The following OSBPL9 variants were observed in gnomAD, a reference collection of about 807,000 sequenced individuals.
The protein encoded by OSBPL9 is oxysterol-binding protein-related protein 9.
OSBPL9 carries 40 observed loss-of-function variants against 106.6 expected under a neutral mutation model. The observed-to-expected ratio is 0.38, with a 90% confidence interval of 0.29 to 0.49. OSBPL9 has a LOEUF of 0.49. OSBPL9 is among the 20% of genes least tolerant of loss of function. OSBPL9 has a pLI of 0.97. For missense variants in OSBPL9, 609 were observed against 887.2 expected, an observed-to-expected ratio of 0.69 and a Z score of 3.98; for synonymous variants, 269 against 295.4, an observed-to-expected ratio of 0.91 and a Z score of 0.92.
At chr1:51,669,576 G>A in intron 3 of OSBPL9, 64 bp downstream of exon 3, 1 of 1,510,354 alleles carries the variant, frequency 6.6e-7, no homozygotes, top group Non-Finnish European at 9.1e-7. Context: ...TCTCTTTTGG[G>A]TTGTTTGCTG....
the OSBPL9 span, among the ~76,000 whole-genome samples, chr1:51,542,102 G>T: frequency 2.6e-5 from 4 of 152,146 alleles, no homozygotes; most frequent in Non-Finnish European, 5.9e-5. Context: ...TGCCCAGGCT[G>T]GTCTCAAACT....
At chr1:51,717,235 G>A (rs1052295072) in intron 4 of OSBPL9, among the ~76,000 whole-genome samples, 5 of 152,154 alleles carry the variant, frequency 3.3e-5, no homozygotes, top group African/African-American at 1.2e-4. Context: ...TGAGAGTGCT[G>A]AGATTATAGG....
chr1:51,697,989 T>C (rs1178454976), intron 3 of OSBPL9, among the ~76,000 whole-genome samples: 7 of 152,042 alleles, frequency 4.6e-5, no homozygotes, highest in African/African-American at 2.4e-5. Flanking sequence ...CATATTGGTA[T>C]TTTCATGTAT....
At chr1:51,683,001 C>T (rs1251189748) in intron 3 of OSBPL9, among the ~76,000 whole-genome samples, 1 of 151,410 alleles carries the variant, frequency 6.6e-6, no homozygotes, top group Non-Finnish European at 1.5e-5. Context: ...CTTAGCCTCC[C>T]GAGTAGCTAG....
intron 4 of OSBPL9, among the ~76,000 whole-genome samples, chr1:51,732,565 T>A (rs1440880980): frequency 6.6e-6 from 1 of 152,198 alleles, no homozygotes; most frequent in African/African-American, 2.4e-5. Flanking sequence ...CTTTCCATCT[T>A]CCTTATTTTC....
At position 51,789,173 on chromosome 1, in the gene OSBPL9, T is replaced by C. The variant is rs1248355233; in HGVS notation, c.*1384T>C. On this transcript the variant is annotated 3_prime_UTR_variant, in exon 24 of 24. Coordinates refer to ENST00000428468, the MANE Select transcript of OSBPL9 (RefSeq NM_024586.6). ...TAAGGCAGTAGTATAACTAACTCCA[T>C]AAAATACAAACAAACACATTTTAAA... 1 of 1,497,716 alleles carries C rather than the reference T, an allele frequency of 6.7e-7. No individual in the cohort carries two copies. The highest frequency in any genetic ancestry group is 9.3e-7 in the Non-Finnish European group (1 of 1,075,718). 92.8% of individuals were successfully genotyped at this position (1,497,716 alleles called of 1,614,324 possible).
intron 4 of OSBPL9, chr1:51,740,077 G>T: frequency 6.5e-7 from 1 of 1,538,124 alleles, no homozygotes; most frequent in South Asian, 1.2e-5. Flanking sequence ...TCCTTTACTT[G>T]ATTATTGATG....
chr1:51,633,340 C>T (rs577329004), intron 1 of OSBPL9, among the ~76,000 whole-genome samples: 17 of 151,136 alleles, frequency 1.1e-4, no homozygotes, highest in Non-Finnish European at 2.1e-4. Context: ...GAGGCCAAGA[C>T]GGGAGGATTG....
At position 51,781,178 on chromosome 1, in the gene OSBPL9, A is replaced by C; in HGVS notation, c.1271A>C (p.Lys424Thr). 3 of 1,614,058 alleles carry C rather than the reference A, an allele frequency of 1.9e-6. No homozygotes were observed. Among genetic ancestry groups the C allele is most frequent in the Non-Finnish European group, 2.5e-6 (3 of 1,179,986 alleles). The change falls in exon 16 of 24, where the codon AAG becomes ACG. Residue 424 changes from lysine (K) to threonine (T), a missense_variant. By Grantham distance (78) the Lys-to-Thr change is moderately conservative (BLOSUM62 -1). Coordinates refer to ENST00000428468, the MANE Select transcript of OSBPL9 (RefSeq NM_024586.6). The stretch of plus-strand genomic sequence containing the variant: ...CTCCCTTGCAGCATTAGTGACCAGA[A>C]GGATCCCAAGGATCGAATGGTTCAG... ...PDLFVSISDQ[K>T]DPKDRMVQVV...
intron 1 of OSBPL9, among the ~76,000 whole-genome samples, chr1:51,635,557 T>A (rs963609022): frequency 1.3e-5 from 2 of 152,270 alleles, no homozygotes; most frequent in South Asian, 4.1e-4. Flanking sequence ...TTGATTTCCT[T>A]CAAGGTGCAG....
rs1025005822 is a variant in OSBPL9 at position 51,728,325 on chromosome 1, G to C, written c.318+14246G>C. 8.5e-5 allele frequency among the ~76,000 whole-genome samples: 13 copies of C among 152,220 alleles called. 1 individual carries two copies. Among genetic ancestry groups the C allele is most frequent in the African/African-American group, 2.7e-4 (11 of 41,454 alleles). On this transcript the variant is annotated intron_variant, in intron 4 of 23. Coordinates refer to ENST00000428468, the MANE Select transcript of OSBPL9 (RefSeq NM_024586.6). ...AGAATGAATTGGAGTAGCCAGAGTA[G>C]ATTCAAGAAGACTTTAGTAAGATTA... is the stretch of plus-strand genomic sequence containing the variant.
In OSBPL9 at chr1:51,624,144, T is replaced by TG. The variant is rs1227871819; in HGVS notation, c.111+6924dup. Among the ~76,000 whole-genome samples, 5 of 152,128 alleles carry TG rather than the reference T, an allele frequency of 3.3e-5. No individual in the cohort carries two copies. In the South Asian group the frequency reaches 1.0e-3, roughly 32 times the overall value. On this transcript the variant is annotated intron_variant, in intron 1 of 23. Transcript: ENST00000428468. ...GTTGACCAGGCTGATCTTGAACTCC[T>TG]GACCTCAGATCATCCACCTGCCTCA...
chr1:51,766,123 AG>A, intron 12 of OSBPL9, 142 bp downstream of exon 12: 1 of 890,078 alleles, frequency 1.1e-6, no homozygotes, highest in Non-Finnish European at 1.6e-6. Context: ...TTTTAATAGA[AG>A]TTTTTTTATT....
intron 3 of OSBPL9, among the ~76,000 whole-genome samples, chr1:51,683,780 A>G (rs1653142274): frequency 1.3e-5 from 2 of 150,842 alleles, no homozygotes; most frequent in Admixed American, 1.3e-4. Context: ...GCGACAGAGC[A>G]AGACTCTGTC....
intron 3 of OSBPL9, 75 bp from the exon 4 acceptor site, chr1:51,713,928 A>T: frequency 8.4e-7 from 1 of 1,195,148 alleles, no homozygotes; most frequent in Non-Finnish European, 1.2e-6. Context: ...TCATAGTTTT[A>T]AAATGATATT....
chr1:51,696,899 C>G (rs1210259032), intron 3 of OSBPL9, among the ~76,000 whole-genome samples: 1 of 151,456 alleles, frequency 6.6e-6, no homozygotes, highest in Admixed American at 6.6e-5. Context: ...TGCCTATAAT[C>G]CCAGCTGCTT....
intron 2 of OSBPL9, among the ~76,000 whole-genome samples, chr1:51,611,356 T>C (rs890068474): frequency 6.6e-5 from 10 of 152,220 alleles, no homozygotes; most frequent in Admixed American, 5.2e-4. Flanking sequence ...AGTCAATGTC[T>C]TGTAGGTTTC....
intron 8 of OSBPL9, among the ~76,000 whole-genome samples, chr1:51,754,982 T>G (rs972698016): frequency 1.3e-5 from 2 of 152,290 alleles, no homozygotes; most frequent in East Asian, 3.9e-4. Context: ...AATTTTTAAA[T>G]TTTTTGTAGA....
chr1:51,685,235 A>G (rs909672039), intron 3 of OSBPL9, among the ~76,000 whole-genome samples: 3 of 152,160 alleles, frequency 2.0e-5, no homozygotes, highest in Middle Eastern at 3.2e-3. Flanking sequence ...ACCATCCTAG[A>G]AGAGGCTTCC....
Sources: gnomAD v4.1 joint callset for allele counts (sites outside exome capture counted in the v4.1 genomes callset) on GRCh38, gnomAD v4.1.1 for gene constraint, MANE v1.5 for transcripts, NCBI Gene and HGNC (gene_info 2026-07-23, HGNC 2026-07-21) for gene names.